DMD: variants seen among roughly 807,000 people sequenced by gnomAD.
The protein encoded by DMD is dystrophin.
Under a neutral mutation model 330.1 loss-of-function variants are expected in DMD, and 63 were observed. That is an observed-to-expected ratio of 0.19 (90% CI 0.16 to 0.24). The LOEUF (loss-of-function observed/expected upper bound fraction) is 0.24, where lower values mean the gene tolerates loss of function less well. DMD is among the 10% of genes least tolerant of loss of function. The probability of loss-of-function intolerance (pLI) is 1.00; values close to 1 mark genes in which losing one functional copy is unlikely to be tolerated. For synonymous variants in DMD, 1,223 were observed against 959.8 expected (o/e 1.27, Z -5.07); for missense variants, 3,344 against 2,684.1 (o/e 1.25, Z -5.43).
chrX:32,340,464 T>C, intron 41 of DMD, among the ~76,000 whole-genome samples: 1 of 111,766 alleles, frequency 8.9e-6, no homozygotes, highest in Non-Finnish European at 1.9e-5. Context: ...GTTGAGAGCC[T>C]ACTATGAATA....
chrX:33,243,591 C>G (rs1376084286), intron 1 of DMD, among the ~76,000 whole-genome samples: 1 of 111,905 alleles, frequency 8.9e-6, no homozygotes, highest in Non-Finnish European at 1.9e-5. Context: ...AAAAAGATAC[C>G]TCACTCATAT....
At chrX:32,540,586 C>T (rs1235376700) in intron 17 of DMD, among the ~76,000 whole-genome samples, 1 of 111,513 alleles carries the variant, frequency 9.0e-6, no homozygotes, top group Non-Finnish European at 1.9e-5. Context: ...TTAGTTACTG[C>T]AATTATTTGA....
intron 26 of DMD, among the ~76,000 whole-genome samples, chrX:32,453,668 T>C (rs1277443158): frequency 9.0e-6 from 1 of 110,923 alleles, no homozygotes; most frequent in Non-Finnish European, 1.9e-5. Flanking sequence ...CCTCTAATGA[T>C]TCTGAAAGCA....
At chrX:31,991,534 A>G (rs183623739) in intron 44 of DMD, among the ~76,000 whole-genome samples, 1 of 110,741 alleles carries the variant, frequency 9.0e-6, no homozygotes, top group African/African-American at 3.3e-5. Flanking sequence ...AGTCATATGG[A>G]AACTGCGGTC....
chrX:31,506,024 T>C (rs952009412), intron 56 of DMD, among the ~76,000 whole-genome samples: 5 of 111,674 alleles, frequency 4.5e-5, no homozygotes, highest in African/African-American at 1.6e-4. Context: ...TTTCTTCAAA[T>C]GTAAAAAGAA....
intron 7 of DMD, among the ~76,000 whole-genome samples, chrX:32,742,472 A>G (rs1034303419): frequency 1.8e-5 from 2 of 111,243 alleles, no homozygotes; most frequent in African/African-American, 6.5e-5. Context: ...CCTCATAGGT[A>G]AGAGGAAAAA....
intron 51 of DMD, among the ~76,000 whole-genome samples, chrX:31,759,285 CAAAA>C (rs34439135): frequency 5.7e-5 from 5 of 87,634 alleles, no homozygotes; most frequent in South Asian, 1.1e-3. Context: ...AAATAATTGA[CAAAA>C]AAAAAAAAAA....
At chrX:31,594,287 A>G (rs1362452811) in intron 55 of DMD, among the ~76,000 whole-genome samples, 2 of 110,324 alleles carry the variant, frequency 1.8e-5, no homozygotes, top group African/African-American at 6.6e-5. Context: ...CATTTTGAGA[A>G]CCATTGCAAT....
At chrX:32,530,994 G>T (rs1221827637) in intron 17 of DMD, among the ~76,000 whole-genome samples, 1 of 111,190 alleles carries the variant, frequency 9.0e-6, no homozygotes, top group African/African-American at 3.3e-5. Context: ...AATAAATGTG[G>T]GTCACTAGAG....
At chrX:31,594,594 TTAATC>T (rs1282035800) in intron 55 of DMD, among the ~76,000 whole-genome samples, 1 of 111,684 alleles carries the variant, frequency 9.0e-6, no homozygotes, top group Non-Finnish European at 1.9e-5. Flanking sequence ...ACTGGGCACT[TTAATC>T]TAATCTGTAA....
At chrX:31,280,576 C>T (rs1414836152) in intron 62 of DMD, among the ~76,000 whole-genome samples, 2 of 111,470 alleles carry the variant, frequency 1.8e-5, no homozygotes, top group African/African-American at 6.5e-5. Context: ...TAAATGGAGG[C>T]AGTTTACTGT....
At chrX:33,116,293 C>G (rs1184148498) in intron 1 of DMD, among the ~76,000 whole-genome samples, 1 of 110,816 alleles carries the variant, frequency 9.0e-6, no homozygotes, top group African/African-American at 3.3e-5. Flanking sequence ...GGTGGGTCAC[C>G]TGAGCTCGGG....
In DMD at chrX:32,042,026, C is replaced by CATATAT. The variant is rs57983190; in HGVS notation, c.6439-73518_6439-73513dup. Among the ~76,000 whole-genome samples the CATATAT allele has an allele frequency of 4.0e-3, 162 of 40,441 alleles. 1 individual carries two copies. The highest frequency in any genetic ancestry group is 5.3e-3 in the Non-Finnish European group (126 of 23,552). 35.1% of individuals were successfully genotyped at this position (40,441 alleles called of 115,157 possible). A position where few individuals can be genotyped will look rare whatever the true frequency, so the allele number is the denominator to read the frequency against. Reference sequence around the variant, plus strand: ...CTCCCTCTCTCTCTCTCTCTCTGTTCATATATATATATATATATATATATA... The same window carrying CATATAT: ...CTCCCTCTCTCTCTCTCTCTCTGTTCATATATATATATATATATATATATATATATA... On this transcript the variant is annotated intron_variant, in intron 44 of 78. Transcript: ENST00000357033.
intron 43 of DMD, among the ~76,000 whole-genome samples, chrX:32,247,857 G>A (rs554048223): frequency 8.9e-6 from 1 of 111,824 alleles, no homozygotes; most frequent in South Asian, 3.7e-4. Flanking sequence ...CAGAATCATA[G>A]TAGGGTCACA....
At chrX:31,444,266 G>C (rs1409752665) in intron 60 of DMD, among the ~76,000 whole-genome samples, 1 of 110,833 alleles carries the variant, frequency 9.0e-6, no homozygotes, top group Non-Finnish European at 1.9e-5. Context: ...ACACTAAACA[G>C]ACTAAGACAT....
At chrX:31,535,735 A>C in intron 55 of DMD, among the ~76,000 whole-genome samples, 1 of 111,816 alleles carries the variant, frequency 8.9e-6, no homozygotes, top group East Asian at 2.8e-4. Flanking sequence ...TCACTACCAA[A>C]AGTGTGATGG....
chrX:31,124,175 T>C (rs1196668999), intron 78 of DMD, among the ~76,000 whole-genome samples: 1 of 112,459 alleles, frequency 8.9e-6, no homozygotes, highest in Non-Finnish European at 1.9e-5. Flanking sequence ...TTTTCACAAA[T>C]GACCTTGTGG....
chrX:31,293,130 T>TTCTC lies in DMD; in HGVS notation c.9224+30464_9224+30467dup, dbSNP rs1482637672. Reference sequence around the variant, plus strand: ...CCCAACTGTTAACATAATATTCGCTTTCTCTCTCTCTCTCTCACCACTCCC... The same window carrying TTCTC: ...CCCAACTGTTAACATAATATTCGCTTTCTCTCTCTCTCTCTCTCTCACCACTCCC... On this transcript the variant is annotated intron_variant, in intron 62 of 78. Coordinates refer to ENST00000357033, the MANE Select transcript of DMD (RefSeq NM_004006.3). Among the ~76,000 whole-genome samples the TTCTC allele has an allele frequency of 3.3e-5, 3 of 89,961 alleles. No homozygotes were observed. In the East Asian group the frequency reaches 9.4e-4, roughly 28 times the overall value. 78.1% of individuals were successfully genotyped at this position (89,961 alleles called of 115,157 possible).
chrX:32,852,094 C>A (rs748269080), intron 2 of DMD, among the ~76,000 whole-genome samples: 11 of 111,865 alleles, frequency 9.8e-5, no homozygotes, highest in Non-Finnish European at 1.9e-4. Flanking sequence ...CATCCTCTAA[C>A]CCCTAACAGT....
Sources: allele counts gnomAD v4.1 joint callset (sites outside exome capture counted in the v4.1 genomes callset), GRCh38; gene constraint gnomAD v4.1.1; transcripts MANE v1.5; gene names NCBI Gene and HGNC (gene_info 2026-07-23, HGNC 2026-07-21).